The following PTPRN2 variants were observed in gnomAD, a reference collection of about 807,000 sequenced individuals.
The protein encoded by PTPRN2 is receptor-type tyrosine-protein phosphatase N2.
Under a neutral mutation model 118.8 loss-of-function variants are expected in PTPRN2, and 74 were observed. The observed-to-expected ratio is 0.62, with a 90% confidence interval of 0.52 to 0.76. The LOEUF (loss-of-function observed/expected upper bound fraction) is 0.76. Among genes scored for constraint, PTPRN2 ranks in the 30% least tolerant of loss-of-function variants. The pLI is 0.00. For missense variants in PTPRN2, 1,481 were observed against 1,394.4 expected (o/e 1.06, Z -0.99); for synonymous variants, 641 against 608.0 (o/e 1.05, Z -0.80).
chr7:157,859,968 C>T (rs1459363258), intron 12 of PTPRN2, among the ~76,000 whole-genome samples: 1 of 146,720 alleles, frequency 6.8e-6, no homozygotes, highest in Non-Finnish European at 1.5e-5. Flanking sequence ...GTACACACTC[C>T]TGCAGGGAGA....
intron 2 of PTPRN2, among the ~76,000 whole-genome samples, chr7:158,476,892 A>G (rs1224350640): frequency 6.6e-6 from 1 of 152,232 alleles, no homozygotes; most frequent in East Asian, 1.9e-4. Flanking sequence ...GTGGGGTCAC[A>G]TGCATACATC....
At chr7:158,456,563 G>C (rs1818522477) in intron 2 of PTPRN2, among the ~76,000 whole-genome samples, 1 of 151,800 alleles carries the variant, frequency 6.6e-6, no homozygotes, top group African/African-American at 2.4e-5. Context: ...CGGCACGGAT[G>C]CCATCGGCCA....
intron 5 of PTPRN2, among the ~76,000 whole-genome samples, chr7:158,182,911 A>T (rs1374353572): frequency 1.3e-5 from 2 of 152,172 alleles, no homozygotes; most frequent in African/African-American, 4.8e-5. Flanking sequence ...CAGTGTTGGC[A>T]TGTTGCTGCC....
At chr7:157,824,799 C>T (rs925121839) in intron 12 of PTPRN2, among the ~76,000 whole-genome samples, 6 of 152,232 alleles carry the variant, frequency 3.9e-5, no homozygotes, top group African/African-American at 9.6e-5. Context: ...GAAGGCAACA[C>T]TCCTCAGAGA....
intron 3 of PTPRN2, among the ~76,000 whole-genome samples, chr7:158,205,815 C>T (rs1054855731): frequency 6.6e-6 from 1 of 152,120 alleles, no homozygotes; most frequent in Admixed American, 6.6e-5. Context: ...TATTGGAACT[C>T]GGTGCTGCCC....
At chr7:158,088,411 A>AC (rs1326811480) in intron 10 of PTPRN2, among the ~76,000 whole-genome samples, 1 of 19,386 alleles carries the variant, frequency 5.2e-5, no homozygotes, top group African/African-American at 8.8e-5. Context: ...GTCTTCACAC[A>AC]AACCTTCTTC....
At chr7:158,428,726 C>G (rs560643947) in intron 2 of PTPRN2, among the ~76,000 whole-genome samples, 2 of 151,342 alleles carry the variant, frequency 1.3e-5, no homozygotes, top group South Asian at 2.2e-4. Flanking sequence ...CCAAGTCTAA[C>G]GGAGGCAGTC....
rs117173744 is a variant in PTPRN2 at position 158,157,724 on chromosome 7, C to T, written c.910+9207G>A. Reference sequence around the variant, plus strand: ...AAGGTGCAGTGAGACGAACCCTGTTCCCGCTATATAAGCCACAGAGTGACC... The same window carrying T: ...AAGGTGCAGTGAGACGAACCCTGTTTCCGCTATATAAGCCACAGAGTGACC... On this transcript the variant is annotated intron_variant, in intron 6 of 22. Transcript: ENST00000389418. Among the ~76,000 whole-genome samples the T allele has an allele frequency of 3.9e-3, 588 of 152,056 alleles. 1 individual carries two copies. The highest frequency in any genetic ancestry group is 6.2e-3 in the Admixed American group (95 of 15,288).
chr7:158,256,835 A>G (rs747635809), intron 3 of PTPRN2, among the ~76,000 whole-genome samples: 4 of 152,230 alleles, frequency 2.6e-5, no homozygotes, highest in Non-Finnish European at 4.4e-5. Context: ...CAAAAAATAT[A>G]GTCTCTAAGA....
chr7:158,116,364 T>C (rs933718881), intron 9 of PTPRN2, among the ~76,000 whole-genome samples: 10 of 152,232 alleles, frequency 6.6e-5, no homozygotes, highest in Non-Finnish European at 1.0e-4. Context: ...CTGTCTGATG[T>C]AACTGATCCT....
At chr7:157,557,205 C>A in intron 21 of PTPRN2, among the ~76,000 whole-genome samples, 1 of 150,470 alleles carries the variant, frequency 6.6e-6, no homozygotes, top group East Asian at 2.0e-4. Flanking sequence ...ACACACACAC[C>A]CCACTTACAT....
chr7:158,355,557 C>CGGCAGGAGA (rs1255368363), intron 2 of PTPRN2, among the ~76,000 whole-genome samples: 2 of 152,194 alleles, frequency 1.3e-5, no homozygotes, highest in African/African-American at 4.8e-5. Context: ...CCAGCAACAA[C>CGGCAGGAGA]GGCAGGAGAG....
At chr7:157,820,084 G>A (rs1418396650) in intron 12 of PTPRN2, among the ~76,000 whole-genome samples, 2 of 147,454 alleles carry the variant, frequency 1.4e-5, no homozygotes, top group African/African-American at 2.5e-5. Context: ...CAATGTATAT[G>A]CACACACACA....
At position 157,656,372 on chromosome 7, in the gene PTPRN2, G is replaced by A. The variant is rs779382411; in HGVS notation, c.2181C>T (p.Thr727=). ...CTGGGCTTACCAGGATCATGTGGCC[G>A]GTGGAGATGTCCATGTTGGACTGCA... is the stretch of plus-strand genomic sequence containing the variant. ...EPVQSNMDIS[T]GHMILSYMED... The change falls in exon 14 of 23, where the codon ACC becomes ACT. Residue 727 remains threonine (T), a synonymous_variant. Transcript: ENST00000389418. 87 of 1,550,332 alleles carry A rather than the reference G, an allele frequency of 5.6e-5. No homozygotes were observed. In the East Asian group the frequency reaches 7.8e-4, roughly 14 times the overall value.
chr7:158,086,060 T>C lies in PTPRN2; in HGVS notation c.1644-4683A>G, dbSNP rs147283950. Among the ~76,000 whole-genome samples the C allele has an allele frequency of 5.2e-3, 789 of 152,348 alleles. 4 individuals are homozygous for C. The highest frequency in any genetic ancestry group is 0.018 in the African/African-American group (757 of 41,592). On this transcript the variant is annotated intron_variant, in intron 10 of 22. Transcript: ENST00000389418. ...CAGAGCACTTCCTTCCCATTCCTGCTTTGGCTTTGAAGCATACTGTGAAAT... is the reference window on the plus strand; with the variant it reads ...CAGAGCACTTCCTTCCCATTCCTGCCTTGGCTTTGAAGCATACTGTGAAAT...
chr7:157,616,120 G>C (rs906042703), intron 15 of PTPRN2: 3 of 156,854 alleles, frequency 1.9e-5, no homozygotes, highest in African/African-American at 7.2e-5. Context: ...CTCCCCACAC[G>C]AAGATTCTGT....
intron 5 of PTPRN2, among the ~76,000 whole-genome samples, chr7:158,182,574 T>C (rs1824804403): frequency 6.6e-6 from 1 of 152,308 alleles, no homozygotes; most frequent in African/African-American, 2.4e-5. Flanking sequence ...ACATGCAGTG[T>C]TTGATTTTCT....
intron 12 of PTPRN2, among the ~76,000 whole-genome samples, chr7:157,708,717 G>A (rs987987387): frequency 1.4e-4 from 22 of 152,268 alleles, no homozygotes; most frequent in Admixed American, 1.2e-3. Flanking sequence ...ACATGAAAAC[G>A]CAGCCGTGAC....
At chr7:157,862,998 G>A (rs1810359795) in intron 12 of PTPRN2, 1 of 152,282 alleles carries the variant, frequency 6.6e-6, no homozygotes, top group Non-Finnish European at 1.5e-5. Context: ...AGGAGGCTGG[G>A]ATTCACGTCA....
Sources: allele counts gnomAD v4.1 joint callset (sites outside exome capture counted in the v4.1 genomes callset), GRCh38; gene constraint gnomAD v4.1.1; transcripts MANE v1.5; gene names NCBI Gene and HGNC (gene_info 2026-07-23, HGNC 2026-07-21).